MGAT4C: variants seen among roughly 807,000 people sequenced by gnomAD.
MGAT4C encodes alpha-1,3-mannosyl-glycoprotein 4-beta-N-acetylglucosaminyltransferase C.
Under a neutral mutation model 40.1 loss-of-function variants are expected in MGAT4C, and 19 were observed. The observed-to-expected ratio is 0.47, with a 90% CI of 0.33 to 0.70. The LOEUF is 0.70. Among genes scored for constraint, MGAT4C ranks in the 30% least tolerant of loss-of-function variants. The probability of loss-of-function intolerance (pLI) is 0.02; values close to 1 mark genes in which losing one functional copy is unlikely to be tolerated. For synonymous variants in MGAT4C, 181 were observed against 187.1 expected (o/e 0.97, Z 0.27); for missense variants, 491 against 563.2 (o/e 0.87, Z 1.30).
intron 3 of MGAT4C, among the ~76,000 whole-genome samples, chr12:86,413,067 C>G (rs1377456061): frequency 6.6e-6 from 1 of 152,002 alleles, no homozygotes; most frequent in Non-Finnish European, 1.5e-5. Flanking sequence ...TGCAAGTAAA[C>G]CGTGATTTTT....
chr12:86,362,530 C>T (rs61949468), intron 3 of MGAT4C, among the ~76,000 whole-genome samples: 13,891 of 151,980 alleles, frequency 0.091, 795 homozygotes, highest in Middle Eastern at 0.22. Flanking sequence ...TATTGTCAGA[C>T]TGGATTAAAA....
At chr12:86,833,016 C>T (rs1470056593) in intron 1 of MGAT4C, among the ~76,000 whole-genome samples, 1 of 151,816 alleles carries the variant, frequency 6.6e-6, no homozygotes, top group Non-Finnish European at 1.5e-5. Flanking sequence ...ACATTTACAT[C>T]AAATTGAGAT....
intron 2 of MGAT4C, among the ~76,000 whole-genome samples, chr12:86,700,035 A>AATAGATAGATAG (rs58993633): frequency 0.37 from 54,725 of 147,466 alleles, 10,561 homozygotes; most frequent in Non-Finnish European, 0.43. Context: ...AATTTAGATA[A>AATAGATAGATAG]ATAGATAGAT....
At chr12:86,294,685 A>G (rs543428320) in intron 4 of MGAT4C, among the ~76,000 whole-genome samples, 81 of 150,360 alleles carry the variant, frequency 5.4e-4, no homozygotes, top group African/African-American at 1.4e-3. Context: ...GTTGGGGGGG[A>G]AAAAAGTTAA....
chr12:86,129,544 C>CTTT (rs751908017), intron 1 of MGAT4C, among the ~76,000 whole-genome samples: 375 of 15,074 alleles, frequency 0.025, 134 homozygotes, highest in East Asian at 0.038. Context: ...CTTACACAAT[C>CTTT]TTTTTTTTTT....
intron 3 of MGAT4C, among the ~76,000 whole-genome samples, chr12:86,410,293 A>T (rs1256946921): frequency 6.6e-6 from 1 of 152,112 alleles, no homozygotes; most frequent in Non-Finnish European, 1.5e-5. Flanking sequence ...GGCATAATTC[A>T]GTTCTTATCT....
intron 1 of MGAT4C, among the ~76,000 whole-genome samples, chr12:86,836,616 C>A (rs1953041895): frequency 6.6e-6 from 1 of 151,922 alleles, no homozygotes; most frequent in Admixed American, 6.6e-5. Flanking sequence ...TATGGGGAGG[C>A]AAGAGACACT....
At chr12:86,120,357 T>TA (rs2135678786) in intron 1 of MGAT4C, among the ~76,000 whole-genome samples, 1 of 152,162 alleles carries the variant, frequency 6.6e-6, no homozygotes, top group South Asian at 2.1e-4. Context: ...TCTGCAGACT[T>TA]AAACTTCCCA....
intron 2 of MGAT4C, among the ~76,000 whole-genome samples, chr12:86,650,413 A>C (rs746221649): frequency 6.6e-6 from 1 of 151,864 alleles, no homozygotes; most frequent in African/African-American, 2.4e-5. Context: ...TAAAGCTAGC[A>C]TATTGCAATG....
chr12:86,327,401 T>C (rs1401983846), intron 4 of MGAT4C, among the ~76,000 whole-genome samples: 1 of 152,080 alleles, frequency 6.6e-6, no homozygotes, highest in Admixed American at 6.6e-5. Context: ...TCACTCAAAG[T>C]GAGTGCCTCA....
chr12:86,760,597 G>T (rs748262544), intron 1 of MGAT4C, among the ~76,000 whole-genome samples: 1 of 152,094 alleles, frequency 6.6e-6, no homozygotes, highest in South Asian at 2.1e-4. Context: ...TAGGGACACC[G>T]GGCAAGAAAG....
At chr12:86,594,353 A>T (rs1961449115) in intron 2 of MGAT4C, among the ~76,000 whole-genome samples, 1 of 152,112 alleles carries the variant, frequency 6.6e-6, no homozygotes, top group Non-Finnish European at 1.5e-5. Flanking sequence ...TATTTAAAAA[A>T]ATAAGTGTTT....
chr12:86,348,791 G>A (rs1277764367), intron 3 of MGAT4C, among the ~76,000 whole-genome samples: 1 of 152,048 alleles, frequency 6.6e-6, no homozygotes. Context: ...TTACAATGAT[G>A]TGTATTTATA....
At chr12:86,378,646 T>C (rs1162503580) in intron 3 of MGAT4C, among the ~76,000 whole-genome samples, 4 of 152,130 alleles carry the variant, frequency 2.6e-5, no homozygotes, top group East Asian at 1.9e-4. Flanking sequence ...TACAGAAAGT[T>C]TGAATTATAG....
intron 2 of MGAT4C, among the ~76,000 whole-genome samples, chr12:86,047,717 C>G (rs1940671617): frequency 1.3e-5 from 2 of 151,932 alleles, no homozygotes; most frequent in African/African-American, 4.8e-5. Context: ...AAAATAAAAG[C>G]AAAACTAAGA....
chr12:86,180,539 C>A (rs1345152927), intron 1 of MGAT4C, among the ~76,000 whole-genome samples: 1 of 152,206 alleles, frequency 6.6e-6, no homozygotes, highest in Non-Finnish European at 1.5e-5. Flanking sequence ...TGTAAAGACA[C>A]AGGGGCAGAG....
At chr12:86,267,145 T>C (rs911700751) in intron 4 of MGAT4C, among the ~76,000 whole-genome samples, 2 of 152,158 alleles carry the variant, frequency 1.3e-5, no homozygotes, top group Non-Finnish European at 2.9e-5. Flanking sequence ...TCTGCAGTTT[T>C]GGTTTGTTTT....
intron 2 of MGAT4C, among the ~76,000 whole-genome samples, chr12:86,633,099 A>G (rs1963113697): frequency 6.7e-6 from 1 of 148,556 alleles, no homozygotes; most frequent in Admixed American, 6.6e-5. Flanking sequence ...ATCACATTTT[A>G]TATTCTGCCA....
At chr12:86,761,401 A>G (rs1429988334) in intron 1 of MGAT4C, among the ~76,000 whole-genome samples, 1 of 152,216 alleles carries the variant, frequency 6.6e-6, no homozygotes, top group Admixed American at 6.6e-5. Context: ...CTATTGCCAC[A>G]AAAGTAGTGG....
Sources: allele counts gnomAD v4.1 joint callset (sites outside exome capture counted in the v4.1 genomes callset), GRCh38; gene constraint gnomAD v4.1.1; transcripts MANE v1.5; gene names NCBI Gene and HGNC (gene_info 2026-07-23, HGNC 2026-07-21).